The following TRAF1 variants were observed in gnomAD, a reference collection of about 807,000 sequenced individuals.
TRAF1 encodes the protein TNF receptor-associated factor 1.
TRAF1 carries 23 observed loss-of-function variants against 40.9 expected under a neutral mutation model. The ratio of observed to expected loss-of-function variants is 0.56; its 90% confidence interval spans 0.40 to 0.80. The LOEUF (loss-of-function observed/expected upper bound fraction) is 0.80. TRAF1 is among the 30% of genes least tolerant of loss of function. The pLI is 0.00. For missense variants in TRAF1, 477 were observed against 528.7 expected (o/e 0.90, Z 0.96); for synonymous variants, 206 against 218.8 (o/e 0.94, Z 0.52).
chr9:120,914,544 G>A (rs2046556275), intron 3 of TRAF1: 2 of 1,157,714 alleles, frequency 1.7e-6, no homozygotes, highest in Non-Finnish European at 2.1e-6. Context: ...CTCCTGTCAG[G>A]GCACAGTCCA....
rs1157682601 is a variant in TRAF1 at position 120,905,229 on chromosome 9, T to C, written c.1042A>G (p.Met348Val). 26 of 1,610,058 alleles carry C rather than the reference T, an allele frequency of 1.6e-5. No individual in the cohort carries two copies. The highest frequency in any genetic ancestry group is 2.1e-5 in the Non-Finnish European group (25 of 1,178,192). ...PWPFRNKVTFMLLDQNNREHA... is the reference protein window; with the variant it reads ...PWPFRNKVTFVLLDQNNREHA... Reference sequence around the variant, plus strand: ...TCACGGTTGTTCTGGTCCAGCAGCATGAAGGTGACCTGCAGGGAAGGGATA... The same window carrying C: ...TCACGGTTGTTCTGGTCCAGCAGCACGAAGGTGACCTGCAGGGAAGGGATA... Residue 348 changes from methionine (M) to valine (V), a missense_variant, in exon 8 of 8, where the codon ATG becomes GTG. Physicochemically the swap from Met to Val is conservative, Grantham distance 21. Coordinates refer to ENST00000373887, the MANE Select transcript of TRAF1 (RefSeq NM_005658.5).
chr9:120,920,384 T>C (rs566178920), intron 3 of TRAF1, among the ~76,000 whole-genome samples: 1 of 152,338 alleles, frequency 6.6e-6, no homozygotes, highest in African/African-American at 2.4e-5. Flanking sequence ...CCACGTAGCA[T>C]GAATCCAGTA....
In TRAF1 at chr9:120,907,044, A is replaced by AT. The variant is rs530588922; in HGVS notation, c.1033-1807dup. ...TCACAATGCCCAGCTAATTTTTTGTATTTTTTGTAGAGACAGGGTTTCGTT... is the reference window on the plus strand; with the variant it reads ...TCACAATGCCCAGCTAATTTTTTGTATTTTTTTGTAGAGACAGGGTTTCGTT... On this transcript the variant is annotated intron_variant, in intron 7 of 7. Transcript: ENST00000373887. Among the ~76,000 whole-genome samples, 42 of 151,998 alleles carry AT rather than the reference A, an allele frequency of 2.8e-4. No individual in the cohort carries two copies. In the East Asian group the frequency reaches 7.2e-3, roughly 26 times the overall value.
chr9:120,913,029 C>T (rs992791513), intron 5 of TRAF1, among the ~76,000 whole-genome samples: 9 of 152,094 alleles, frequency 5.9e-5, no homozygotes, highest in African/African-American at 1.9e-4. Context: ...TAGCTTAGTA[C>T]AAGGAAGAAC....
intron 7 of TRAF1, among the ~76,000 whole-genome samples, chr9:120,906,893 A>C (rs894491133): frequency 6.6e-6 from 1 of 152,098 alleles, no homozygotes; most frequent in African/African-American, 2.4e-5. Context: ...TTTTGAGACC[A>C]AGTCTCACTC....
At chr9:120,912,995 T>C (rs1354058731) in intron 5 of TRAF1, among the ~76,000 whole-genome samples, 6 of 151,998 alleles carry the variant, frequency 3.9e-5, no homozygotes, top group Non-Finnish European at 1.5e-5. Context: ...CCAGGAACAA[T>C]GCAGGGAAGA....
Position 120,905,020 on chromosome 9 carries a change from CT to C in TRAF1, c.1250del (p.Ter417TrpfsTer55). 6.2e-7 allele frequency: 1 copy of C among 1,612,964 alleles called. No individual in the cohort carries two copies. The highest frequency in any genetic ancestry group is 8.5e-7 in the Non-Finnish European group (1 of 1,179,660). On this transcript the variant is annotated frameshift_variant and stop_lost, in exon 8 of 8. Transcript: ENST00000373887. LOFTEE classifies it high-confidence loss of function. ...FLKCIVETST[*>X] ...AGCTCCCTCAGGAGCCCCGCCCACC[CT>C]AAGTGCTGGTCTCCACAATGCACTT...
rs1197230735 is a variant in TRAF1 at position 120,906,185 on chromosome 9, T to G, written c.1033-947A>C. Among the ~76,000 whole-genome samples, 71 of 149,056 alleles carry G rather than the reference T, an allele frequency of 4.8e-4. 1 individual carries two copies. The highest frequency in any genetic ancestry group is 1.7e-3 in the African/African-American group (68 of 40,522). On this transcript the variant is annotated intron_variant, in intron 7 of 7. Coordinates refer to ENST00000373887, the MANE Select transcript of TRAF1 (RefSeq NM_005658.5). Reference sequence around the variant, plus strand: ...AGAATTATGGTGTGTTTTTTTTTTTTTTTTTTTTTTTGAGACAGAGTTTCG... The same window carrying G: ...AGAATTATGGTGTGTTTTTTTTTTTGTTTTTTTTTTTGAGACAGAGTTTCG...
At chr9:120,908,358 G>A (rs2046499262) in intron 7 of TRAF1, among the ~76,000 whole-genome samples, 1 of 152,068 alleles carries the variant, frequency 6.6e-6, no homozygotes, top group Admixed American at 6.5e-5. Context: ...AAAATAAATT[G>A]TAATCTAATA....
intron 3 of TRAF1, among the ~76,000 whole-genome samples, chr9:120,920,936 C>T (rs994353005): frequency 2.6e-5 from 4 of 152,184 alleles, no homozygotes; most frequent in Admixed American, 2.0e-4. Context: ...GGTCAAAAGT[C>T]CCCCAAAGTT....
Position 120,903,101 on chromosome 9 carries a change from T to A in TRAF1, c.*1919A>T, listed in dbSNP as rs2046451506. ...ACATCAGTTTCAGGGCCTAGACCCA[T>A]CACTCGCTAGGCCAGACCTTCATGT... On this transcript the variant is annotated 3_prime_UTR_variant, in exon 8 of 8. Transcript: ENST00000373887. 6.6e-6 allele frequency: 1 copy of A among 152,206 alleles called. No individual in the cohort carries two copies. Among genetic ancestry groups the A allele is most frequent in the African/African-American group, 2.4e-5 (1 of 41,456 alleles). The allele number at this position is 152,206 out of a possible 1,614,324, so 9.4% of individuals were successfully genotyped here.
At chr9:120,909,513 C>CT in intron 6 of TRAF1, 135 bp from the exon 7 acceptor site, 1 of 1,038,108 alleles carries the variant, frequency 9.6e-7, no homozygotes, top group Non-Finnish European at 1.4e-6. Context: ...GCATTCTTCT[C>CT]GAGTAGGGTG....
chr9:120,915,212 TG>T (rs11331426), intron 3 of TRAF1, among the ~76,000 whole-genome samples: 69,140 of 152,076 alleles, frequency 0.45, 18,170 homozygotes, highest in South Asian at 0.69. Context: ...CATCATAGGA[TG>T]TATTTACACA....
At chr9:120,921,909 T>C (rs2046608282) in intron 3 of TRAF1, among the ~76,000 whole-genome samples, 1 of 152,192 alleles carries the variant, frequency 6.6e-6, no homozygotes, top group African/African-American at 2.4e-5. Context: ...CTGCCAGCAC[T>C]GCTATCACGG....
intron 4 of TRAF1, among the ~76,000 whole-genome samples, chr9:120,913,992 A>G (rs572194770): frequency 5.9e-5 from 9 of 152,248 alleles, no homozygotes; most frequent in African/African-American, 2.2e-4. Context: ...GGAGAGGGGC[A>G]TTGGGGGTGG....
rs1411928387 is a variant in TRAF1 at position 120,913,630 on chromosome 9, C to T, written c.403G>A (p.Glu135Lys). The T allele has an allele frequency of 1.2e-6, 2 of 1,613,712 alleles. No homozygotes were observed. Among genetic ancestry groups the T allele is most frequent in the Non-Finnish European group, 1.7e-6 (2 of 1,179,906 alleles). Residue 135 changes from glutamate to lysine, a missense_variant, in exon 5 of 8, where the codon GAG (glutamate) becomes AAG (lysine). Physicochemically the swap from Glu to Lys is moderately conservative, Grantham distance 56. Transcript: ENST00000373887. The stretch of plus-strand genomic sequence containing the variant: ...TGCTCCAGGGCCATGGGCCCAGACT[C>T]CAGGCCACAGCCCAGCCGGGCCTTC... ...QWKARLGCGL[E>K]SGPMALEQNL...
At position 120,904,887 on chromosome 9, in the gene TRAF1, C is replaced by T. The variant is rs2046467319; in HGVS notation, c.*133G>A. 1.1e-6 allele frequency: 1 copy of T among 952,286 alleles called. No homozygotes were observed. Among genetic ancestry groups the T allele is most frequent in the Admixed American group, 2.5e-5 (1 of 40,442 alleles). 59.0% of individuals were successfully genotyped at this position (952,286 alleles called of 1,614,324 possible). On this transcript the variant is annotated 3_prime_UTR_variant, in exon 8 of 8. Transcript: ENST00000373887. The stretch of plus-strand genomic sequence containing the variant: ...CAGATGGCCAGCCCGAAGTCGACCC[C>T]TCAGTCTTGCTTGGATCATGCCAGC...
At chr9:120,910,814 C>G (rs1400962784) in intron 6 of TRAF1, among the ~76,000 whole-genome samples, 2 of 152,206 alleles carry the variant, frequency 1.3e-5, no homozygotes, top group African/African-American at 4.8e-5. Flanking sequence ...GCCCAGGGGC[C>G]CCAGAAATGA....
At chr9:120,924,195 G>A (rs1443871019) in intron 2 of TRAF1, among the ~76,000 whole-genome samples, 2 of 152,146 alleles carry the variant, frequency 1.3e-5, no homozygotes, top group African/African-American at 4.8e-5. Flanking sequence ...GATCTCAGGG[G>A]TTTAGGCAAA....
Sources: allele counts gnomAD v4.1 joint callset (sites outside exome capture counted in the v4.1 genomes callset), GRCh38; gene constraint gnomAD v4.1.1; transcripts MANE v1.5; gene names NCBI Gene and HGNC (gene_info 2026-07-23, HGNC 2026-07-21).